RPTOR: variants seen among roughly 807,000 people sequenced by gnomAD.
RPTOR encodes regulatory-associated protein of mTOR.
Under a neutral mutation model 169.9 loss-of-function variants are expected in RPTOR, and 21 were observed. The observed-to-expected ratio is 0.12, with a 90% CI of 0.09 to 0.18. The LOEUF (loss-of-function observed/expected upper bound fraction) is 0.18, where lower values mean the gene tolerates loss of function less well. RPTOR is among the 10% of genes least tolerant of loss of function. RPTOR has a pLI of 1.00. For synonymous variants in RPTOR, 732 were observed against 753.2 expected (o/e 0.97, Z 0.46); for missense variants, 1,133 against 1,855.9 (o/e 0.61, Z 7.16).
chr17:80,726,949 C>T lies in RPTOR; in HGVS notation c.508-3611C>T, dbSNP rs1380918613. Among the ~76,000 whole-genome samples, 1 of 152,122 alleles carries T rather than the reference C, an allele frequency of 6.6e-6. No homozygotes were observed. The highest frequency in any genetic ancestry group is 1.5e-5 in the Non-Finnish European group (1 of 68,026). On this transcript the variant is annotated intron_variant, in intron 4 of 33. Coordinates refer to ENST00000306801, the MANE Select transcript of RPTOR (RefSeq NM_020761.3). The surrounding 1 kb of genome is among the most constrained non-coding windows in gnomAD (Gnocchi z 4.5). Reference sequence around the variant, plus strand: ...TGGGGGAGGAGAGGAGCATGCTTCCCCCAACCCCTGGGGACCTGTGAGCGC... The same window carrying T: ...TGGGGGAGGAGAGGAGCATGCTTCCTCCAACCCCTGGGGACCTGTGAGCGC...
intron 3 of RPTOR, among the ~76,000 whole-genome samples, chr17:80,676,079 T>C (rs992909761): frequency 7.5e-6 from 1 of 134,156 alleles, no homozygotes; most frequent in South Asian, 2.4e-4. Context: ...TGATAAATTA[T>C]TATACGCATT....
In RPTOR at chr17:80,883,963, C is replaced by T. The variant is rs2068213452; in HGVS notation, c.1833C>T (p.Pro611=). ...AGCTCTACAGCCTCCTCTCCGACCC[C>T]ATTCCCGAGGTGAGTCAGGCGGGGG... The part of the protein sequence containing the change: ...HEKLYSLLSD[P]IPEVRCAAVF... Residue 611 remains proline, a synonymous_variant, in exon 16 of 34, where the codon CCC becomes CCT. Transcript: ENST00000306801. 6.2e-7 allele frequency: 1 copy of T among 1,609,706 alleles called. No homozygotes were observed. Among genetic ancestry groups the T allele is most frequent in the African/African-American group, 1.3e-5 (1 of 75,026 alleles).
chr17:80,657,684 AG>A (rs1363172634), intron 3 of RPTOR, among the ~76,000 whole-genome samples: 1 of 152,166 alleles, frequency 6.6e-6, no homozygotes, highest in African/African-American at 2.4e-5. Context: ...AGATGCAGCC[AG>A]GACTGTAGAT....
Position 80,844,840 on chromosome 17 carries a change from A to G in RPTOR, c.1213-1633A>G, listed in dbSNP as rs1043761803. ...CCGGGGCACAGCCGACCCCGGCCAG[A>G]TGAGCGGAGGGAGGGTTCCTCCCGA... On this transcript the variant is annotated intron_variant, in intron 10 of 33. Coordinates refer to ENST00000306801, the MANE Select transcript of RPTOR (RefSeq NM_020761.3). The surrounding 1 kb of genome is among the most constrained non-coding windows in gnomAD (Gnocchi z 4.7). Among the ~76,000 whole-genome samples the G allele has an allele frequency of 6.6e-6, 1 of 152,198 alleles. No homozygotes were observed. The highest frequency in any genetic ancestry group is 1.5e-5 in the Non-Finnish European group (1 of 68,032).
rs1382682912 is a variant in RPTOR at position 80,857,996 on chromosome 17, C to T, written c.1509+96C>T. On this transcript the variant is annotated intron_variant, in intron 13 of 33. Coordinates refer to ENST00000306801, the MANE Select transcript of RPTOR (RefSeq NM_020761.3). ...GTTTCCAGCCTGCCCTTTCTCCAGC[C>T]TCGCTCCCTCTCCAGGCACCGCCGT... The T allele has an allele frequency of 4.3e-6, 4 of 933,702 alleles. No individual in the cohort carries two copies. In the East Asian group the frequency reaches 7.6e-5, roughly 18 times the overall value. 57.8% of individuals were successfully genotyped at this position (933,702 alleles called of 1,614,324 possible). A position where few individuals can be genotyped will look rare whatever the true frequency, so the allele number is the denominator to read the frequency against.
intron 3 of RPTOR, among the ~76,000 whole-genome samples, chr17:80,674,787 CAAAAAAAAAAAAAAAAAAAAAAAAA>C (rs9319608): frequency 6.7e-5 from 6 of 89,954 alleles, no homozygotes; most frequent in Admixed American, 4.6e-4. Context: ...GACTCTGTCT[CAAAAAAAAAAAAAAAAAAAAAAAAA>C]AAAAAAAAAA....
At chr17:80,876,639 CA>C (rs1314851299) in intron 13 of RPTOR, among the ~76,000 whole-genome samples, 165 of 122,178 alleles carry the variant, frequency 1.4e-3, no homozygotes, top group Middle Eastern at 5.2e-3. Context: ...GCTGGGTCTT[CA>C]CACCGAGCCC....
chr17:80,741,068 T>G (rs2066477843), intron 5 of RPTOR, among the ~76,000 whole-genome samples: 1 of 152,194 alleles, frequency 6.6e-6, no homozygotes. Context: ...TTGGAATCCT[T>G]GCACACTGCT....
At chr17:80,908,726 G>A in intron 20 of RPTOR, 85 bp from the exon 21 acceptor site, 4 of 937,102 alleles carry the variant, frequency 4.3e-6, no homozygotes, top group Admixed American at 1.9e-5. Context: ...TGATACCAGG[G>A]TTAGGGTTTC....
intron 24 of RPTOR, among the ~76,000 whole-genome samples, chr17:80,935,419 AAGTT>A (rs1331985566): frequency 7.2e-5 from 11 of 152,314 alleles, no homozygotes; most frequent in African/African-American, 2.4e-4. Context: ...TAGAAGAACA[AAGTT>A]AGAAGCCTCA....
At chr17:80,698,286 A>G (rs1471789) in intron 3 of RPTOR, among the ~76,000 whole-genome samples, 104,879 of 151,670 alleles carry the variant, frequency 0.69, 37,495 homozygotes, top group African/African-American at 0.88. Flanking sequence ...GGCCCCATGC[A>G]GAGGGGCTGC....
intron 21 of RPTOR, among the ~76,000 whole-genome samples, chr17:80,921,097 T>C (rs1318450294): frequency 6.6e-6 from 1 of 152,254 alleles, no homozygotes; most frequent in East Asian, 1.9e-4. Flanking sequence ...GAGTGAAGAC[T>C]TCAGGATCGT....
At chr17:80,873,846 G>A (rs2068076890) in intron 13 of RPTOR, among the ~76,000 whole-genome samples, 1 of 152,188 alleles carries the variant, frequency 6.6e-6, no homozygotes, top group East Asian at 1.9e-4. Context: ...ATGACTCAGC[G>A]TGGCCTCAGG....
At position 80,893,720 on chromosome 17, in the gene RPTOR, G is replaced by A. The variant is rs1228629529; in HGVS notation, c.2256G>A (p.Val752=). Reference sequence around the variant, plus strand: ...CGTCTCGGGCAGCTGGTGGCGCGGTGGCGTTCTCCCCCGGAAACCTCAGCA... The same window carrying A: ...CGTCTCGGGCAGCTGGTGGCGCGGTAGCGTTCTCCCCCGGAAACCTCAGCA... ...LSLTEESGGA[V]AFSPGNLSTS... The change falls in exon 20 of 34, where the codon GTG becomes GTA. Residue 752 remains valine (V), a synonymous_variant. Coordinates refer to ENST00000306801, the MANE Select transcript of RPTOR (RefSeq NM_020761.3). 6.2e-7 allele frequency: 1 copy of A among 1,609,756 alleles called. No homozygotes were observed.
rs372298134 is a variant in RPTOR, at chr17:80,951,355, G to A, written c.3370+1808G>A. 1.6e-4 allele frequency among the ~76,000 whole-genome samples: 25 copies of A among 152,350 alleles called. 1 individual carries two copies. The highest frequency in any genetic ancestry group is 8.5e-4 in the Admixed American group (13 of 15,308). ...TTACATATCAGGAAGCAGCACTGAC[G>A]AGAAAAGCGGCCTTCTCGGCCCAGA... On this transcript the variant is annotated intron_variant, in intron 28 of 33. Coordinates refer to ENST00000306801, the MANE Select transcript of RPTOR (RefSeq NM_020761.3).
intron 2 of RPTOR, among the ~76,000 whole-genome samples, chr17:80,634,317 TGC>T (rs2065471928): frequency 7.5e-6 from 1 of 132,818 alleles, no homozygotes; most frequent in Non-Finnish European, 1.7e-5. Flanking sequence ...ACTGTGCGTG[TGC>T]GTACTATGTG....
chr17:80,548,078 CTTTTT>C (rs55928458), intron 1 of RPTOR, among the ~76,000 whole-genome samples: 56 of 102,750 alleles, frequency 5.5e-4, no homozygotes, highest in East Asian at 8.2e-4. Flanking sequence ...TTTTCTGTTT[CTTTTT>C]TTTTTTTTTT....
chr17:80,809,613 T>G (rs2067253064), intron 7 of RPTOR, among the ~76,000 whole-genome samples: 1 of 152,248 alleles, frequency 6.6e-6, no homozygotes, highest in Non-Finnish European at 1.5e-5. Context: ...AAATGGATGT[T>G]CAAGTCTCTT....
At chr17:80,777,736 T>TA (rs1229212820) in intron 6 of RPTOR, among the ~76,000 whole-genome samples, 1 of 152,280 alleles carries the variant, frequency 6.6e-6, no homozygotes, top group Non-Finnish European at 1.5e-5. Flanking sequence ...CTTTAGCTGT[T>TA]ACGTCTAGGC....
Sources: allele counts gnomAD v4.1 joint callset (sites outside exome capture counted in the v4.1 genomes callset), GRCh38; gene constraint gnomAD v4.1.1; non-coding constraint Gnocchi (gnomAD v3.1); transcripts MANE v1.5; gene names NCBI Gene and HGNC (gene_info 2026-07-23, HGNC 2026-07-21).